The following ATP8A1 variants were observed in gnomAD, a reference collection of about 807,000 sequenced individuals.
ATP8A1 encodes the protein ATPase phospholipid transporting 8A1, also known as phospholipid-transporting ATPase IA.
A neutral mutation model predicts 177.7 loss-of-function variants in ATP8A1; 90 were observed. That is an observed-to-expected ratio of 0.51 (90% CI 0.43 to 0.60). The LOEUF (loss-of-function observed/expected upper bound fraction) is 0.60. ATP8A1 is among the 20% of genes least tolerant of loss of function. The pLI, the probability that ATP8A1 is intolerant of heterozygous loss-of-function variation, is 0.00. For synonymous variants in ATP8A1, 493 were observed against 485.9 expected (o/e 1.01, Z -0.19); for missense variants, 1,072 against 1,392.8 (o/e 0.77, Z 3.67).
chr4:42,583,893 T>C (rs1378586179), intron 9 of ATP8A1, among the ~76,000 whole-genome samples: 5 of 152,336 alleles, frequency 3.3e-5, no homozygotes, highest in Admixed American at 6.5e-5. Flanking sequence ...TGTTAAGACA[T>C]GGAAGCTGGC....
At chr4:42,526,400 G>A (rs1005527579) in intron 20 of ATP8A1, among the ~76,000 whole-genome samples, 1 of 152,162 alleles carries the variant, frequency 6.6e-6, no homozygotes, top group African/African-American at 2.4e-5. Context: ...ATTGATCCTG[G>A]GTGTGTCTGT....
intron 19 of ATP8A1, among the ~76,000 whole-genome samples, chr4:42,546,488 G>T (rs1251421371): frequency 2.0e-5 from 3 of 150,672 alleles, no homozygotes; most frequent in African/African-American, 4.9e-5. Flanking sequence ...GCTAAATGAC[G>T]AGTTAATGGG....
intron 20 of ATP8A1, among the ~76,000 whole-genome samples, chr4:42,531,032 C>T (rs982566024): frequency 4.0e-5 from 6 of 151,710 alleles, no homozygotes; most frequent in Non-Finnish European, 8.8e-5. Flanking sequence ...ACACTTTGGG[C>T]TCCTCCTACC....
intron 15 of ATP8A1, among the ~76,000 whole-genome samples, chr4:42,560,076 C>T (rs1325400554): frequency 6.6e-6 from 1 of 152,112 alleles, no homozygotes; most frequent in Non-Finnish European, 1.5e-5. Context: ...CTTAAAAATA[C>T]TGTGGTGCAT....
At chr4:42,635,772 C>CATATATATATATAT (rs1739227154) in intron 1 of ATP8A1, among the ~76,000 whole-genome samples, 1 of 50,488 alleles carries the variant, frequency 2.0e-5, no homozygotes, top group Non-Finnish European at 4.1e-5. Context: ...CACACACACA[C>CATATATATATATAT]ACACACACAC....
At chr4:42,478,033 A>G (rs974007394) in intron 25 of ATP8A1, among the ~76,000 whole-genome samples, 1 of 152,066 alleles carries the variant, frequency 6.6e-6, no homozygotes, top group Non-Finnish European at 1.5e-5. Flanking sequence ...AGTGACATGG[A>G]TATGTCTCAA....
chr4:42,444,933 C>G (rs543751053), intron 31 of ATP8A1, among the ~76,000 whole-genome samples: 1 of 152,316 alleles, frequency 6.6e-6, no homozygotes, highest in Admixed American at 6.5e-5. Flanking sequence ...GCTTTTTGTA[C>G]AATTCATGAA....
At chr4:42,533,540 C>T (rs1727488809) in intron 20 of ATP8A1, among the ~76,000 whole-genome samples, 2 of 152,208 alleles carry the variant, frequency 1.3e-5, no homozygotes, top group African/African-American at 4.8e-5. Context: ...CCTGACTCTG[C>T]CCCTAGCTGA....
intron 24 of ATP8A1, among the ~76,000 whole-genome samples, chr4:42,501,777 A>G (rs895621978): frequency 5.3e-5 from 8 of 152,190 alleles, no homozygotes; most frequent in Admixed American, 2.6e-4. Context: ...TCCTGCTGAG[A>G]AACAAATGAG....
chr4:42,459,016 C>T (rs1250509559), intron 27 of ATP8A1, among the ~76,000 whole-genome samples: 1 of 152,202 alleles, frequency 6.6e-6, no homozygotes, highest in East Asian at 1.9e-4. Context: ...CCATTAACAT[C>T]TGCAGAACTT....
At chr4:42,512,170 A>T (rs1725071983) in intron 22 of ATP8A1, among the ~76,000 whole-genome samples, 1 of 152,210 alleles carries the variant, frequency 6.6e-6, no homozygotes, top group Non-Finnish European at 1.5e-5. Context: ...AGGTGCAGCT[A>T]AGCTATGACC....
chr4:42,616,619 C>A (rs1408147119), intron 4 of ATP8A1, among the ~76,000 whole-genome samples: 1 of 152,188 alleles, frequency 6.6e-6, no homozygotes, highest in Non-Finnish European at 1.5e-5. Flanking sequence ...CATACAGTCT[C>A]CCCTGTTCAA....
At chr4:42,655,631 G>A (rs1197181484) in intron 1 of ATP8A1, among the ~76,000 whole-genome samples, 2 of 152,136 alleles carry the variant, frequency 1.3e-5, no homozygotes, top group Admixed American at 6.6e-5. Flanking sequence ...AGCATGTACC[G>A]AATTCCTATG....
chr4:42,472,405 G>GT (rs1720528287), intron 25 of ATP8A1: 3 of 209,610 alleles, frequency 1.4e-5, no homozygotes, highest in Non-Finnish European at 2.8e-5. Context: ...TAAATTCACA[G>GT]TTAAAAAAAA....
intron 6 of ATP8A1, among the ~76,000 whole-genome samples, chr4:42,592,619 G>A (rs973613096): frequency 9.9e-5 from 15 of 152,162 alleles, no homozygotes; most frequent in African/African-American, 3.6e-4. Context: ...ATACAGTCAC[G>A]TGACAATGAC....
intron 1 of ATP8A1, among the ~76,000 whole-genome samples, chr4:42,640,609 A>G (rs1739876113): frequency 6.6e-6 from 1 of 152,226 alleles, no homozygotes; most frequent in African/African-American, 2.4e-5. Context: ...AAATGAAGAC[A>G]CACGATTCCA....
intron 24 of ATP8A1, among the ~76,000 whole-genome samples, chr4:42,493,489 C>T (rs1397512828): frequency 2.0e-5 from 3 of 152,168 alleles, no homozygotes; most frequent in Non-Finnish European, 1.5e-5. Flanking sequence ...TAGAGTTCTA[C>T]AAAGGATTAT....
Position 42,549,004 on chromosome 4 carries a change from A to C in ATP8A1, c.1652+9T>G. The stretch of plus-strand genomic sequence containing the variant: ...CTTATCCATACAAATCACTGAGCAG[A>C]TGTTTTACCTGGTAAACTCCAAGAC... On this transcript the variant is annotated intron_variant, in intron 19 of 36. Transcript: ENST00000381668. 2.5e-6 allele frequency: 4 copies of C among 1,603,620 alleles called. No individual in the cohort carries two copies. The highest frequency in any genetic ancestry group is 3.4e-6 in the Non-Finnish European group (4 of 1,173,916).
intron 6 of ATP8A1, among the ~76,000 whole-genome samples, chr4:42,593,093 C>G (rs773014339): frequency 1.3e-5 from 2 of 152,012 alleles, no homozygotes; most frequent in African/African-American, 4.8e-5. Flanking sequence ...GATGTGAAAT[C>G]AAGGCATGAG....
Sources: allele counts gnomAD v4.1 joint callset (sites outside exome capture counted in the v4.1 genomes callset), GRCh38; gene constraint gnomAD v4.1.1; transcripts MANE v1.5; gene names NCBI Gene and HGNC (gene_info 2026-07-23, HGNC 2026-07-21).